The following GALNT14 variants were observed in gnomAD, a reference collection of about 807,000 sequenced individuals.
GALNT14 encodes UDP-GalNAc:polypeptide N-acetylgalactosaminyltransferase 14.
Under a neutral mutation model 77.5 loss-of-function variants are expected in GALNT14, and 60 were observed. The observed-to-expected ratio is 0.77, with a 90% confidence interval of 0.63 to 0.96. The LOEUF (loss-of-function observed/expected upper bound fraction) is 0.96. Among genes scored for constraint, GALNT14 ranks in the 40% least tolerant of loss-of-function variants. The probability of loss-of-function intolerance (pLI) is 0.00; values close to 1 mark genes in which losing one functional copy is unlikely to be tolerated. For synonymous variants in GALNT14, 280 were observed against 281.7 expected (o/e 0.99, Z 0.06); for missense variants, 710 against 731.0 (o/e 0.97, Z 0.33).
chr2:31,012,815 C>G (rs1010314965), intron 1 of GALNT14, among the ~76,000 whole-genome samples: 1 of 152,000 alleles, frequency 6.6e-6, no homozygotes, highest in Non-Finnish European at 1.5e-5. Flanking sequence ...AACAAAAACC[C>G]CAGTCTAAAT....
chr2:31,021,196 G>A (rs924054962), intron 1 of GALNT14, among the ~76,000 whole-genome samples: 4 of 152,158 alleles, frequency 2.6e-5, no homozygotes, highest in Non-Finnish European at 4.4e-5. Flanking sequence ...TGGAGCTGTG[G>A]TCACCAAAGG....
At chr2:30,988,380 G>A (rs755225710) in intron 2 of GALNT14, among the ~76,000 whole-genome samples, 22 of 152,296 alleles carry the variant, frequency 1.4e-4, no homozygotes, top group Admixed American at 8.5e-4. Flanking sequence ...AATGGCGATG[G>A]GGCCAGGAGT....
chr2:31,057,283 A>T (rs955980846), intron 1 of GALNT14, among the ~76,000 whole-genome samples: 1 of 137,882 alleles, frequency 7.3e-6, no homozygotes, highest in Non-Finnish European at 1.6e-5. Flanking sequence ...ATGAATCTAA[A>T]AAGTTGAAAT....
intron 2 of GALNT14, among the ~76,000 whole-genome samples, chr2:30,988,428 A>T (rs931337651): frequency 6.6e-6 from 1 of 152,186 alleles, no homozygotes; most frequent in African/African-American, 2.4e-5. Context: ...AGGTGATGCC[A>T]ATTGCTAGGA....
At chr2:30,964,617 C>T (rs1310776295) in intron 3 of GALNT14, among the ~76,000 whole-genome samples, 1 of 152,166 alleles carries the variant, frequency 6.6e-6, no homozygotes, top group African/African-American at 2.4e-5. Context: ...AGGATGGGCA[C>T]GTGGCTGGAG....
chr2:30,975,394 C>T (rs954696091), intron 2 of GALNT14, among the ~76,000 whole-genome samples: 1 of 152,232 alleles, frequency 6.6e-6, no homozygotes, highest in Non-Finnish European at 1.5e-5. Flanking sequence ...CATGCAGTTA[C>T]TGAGCACTGT....
intron 11 of GALNT14, among the ~76,000 whole-genome samples, chr2:30,926,299 A>G (rs572828561): frequency 2.0e-5 from 3 of 152,154 alleles, no homozygotes; most frequent in South Asian, 2.1e-4. Flanking sequence ...AAAGAGAAGG[A>G]GAGGGATTCA....
chr2:30,924,923 C>T, intron 11 of GALNT14, 100 bp from the exon 12 acceptor site: 1 of 835,994 alleles, frequency 1.2e-6, no homozygotes, highest in Non-Finnish European at 2.0e-6. Flanking sequence ...AAAGCGCGAC[C>T]CATGCCCATG....
intron 3 of GALNT14, 137 bp downstream of exon 3, chr2:30,966,067 T>G: frequency 1.6e-6 from 1 of 638,812 alleles, no homozygotes; most frequent in Non-Finnish European, 2.9e-6. Context: ...TGGACACATG[T>G]GACATATAGA....
chr2:31,125,014 C>A (rs949706658), intron 1 of GALNT14: 1 of 629,532 alleles, frequency 1.6e-6, no homozygotes, highest in Non-Finnish European at 2.8e-6. Flanking sequence ...GAGCCTCCTG[C>A]TGGATGCAAC....
chr2:30,918,951 T>G (rs1240653140), intron 13 of GALNT14, among the ~76,000 whole-genome samples: 1 of 152,100 alleles, frequency 6.6e-6, no homozygotes, highest in Non-Finnish European at 1.5e-5. Context: ...CTCACACACC[T>G]CGAGGCACCA....
At position 30,910,978 on chromosome 2, in the gene GALNT14, C is replaced by T. The variant is rs753387439; in HGVS notation, c.1582G>A (p.Glu528Lys). Reference sequence around the variant, plus strand: ...TTGACGACGATTTCCTTGCCGTTCTCGGTGCCATCACCGAACATATCTGTA... The same window carrying T: ...TTGACGACGATTTCCTTGCCGTTCTTGGTGCCATCACCGAACATATCTGTA... ...LDTDMFGDGT[E>K]NGKEIVVNPC... The change falls in exon 15 of 15, where the codon GAG becomes AAG. Residue 528 changes from glutamate (E) to lysine (K), a missense_variant. Physicochemically the swap from Glu to Lys is moderately conservative, Grantham distance 56. Transcript: ENST00000349752. 31 of 1,613,880 alleles carry T rather than the reference C, an allele frequency of 1.9e-5. No homozygotes were observed. The highest frequency in any genetic ancestry group is 3.3e-5 in the South Asian group (3 of 91,038).
intron 1 of GALNT14, among the ~76,000 whole-genome samples, chr2:31,127,095 C>T (rs1227188761): frequency 6.6e-6 from 1 of 152,170 alleles, no homozygotes; most frequent in African/African-American, 2.4e-5. Context: ...AACATGTACT[C>T]AAGGAATTTC....
chr2:30,924,106 C>A lies in GALNT14; in HGVS notation c.1380+13G>T, dbSNP rs371816274. 1.7e-5 allele frequency: 27 copies of A among 1,614,056 alleles called. No homozygotes were observed. The African/African-American group carries it at 3.6e-4, about 22-fold the overall frequency. ...GTGACACATGGTCCTGTATGCCCAG[C>A]CAGTTACTTTACCTGGGACTTTGCA... On this transcript the variant is annotated intron_variant, in intron 13 of 14. Coordinates refer to ENST00000349752, the MANE Select transcript of GALNT14 (RefSeq NM_024572.4).
chr2:30,992,102 G>C (rs1191148574), intron 2 of GALNT14, among the ~76,000 whole-genome samples: 2 of 152,200 alleles, frequency 1.3e-5, no homozygotes, highest in Non-Finnish European at 2.9e-5. Context: ...GGGAGTGGAG[G>C]AGCTGAGATT....
chr2:31,023,012 T>C (rs1671817297), intron 1 of GALNT14, among the ~76,000 whole-genome samples: 1 of 152,158 alleles, frequency 6.6e-6, no homozygotes, highest in Non-Finnish European at 1.5e-5. Context: ...AGCAGGACTA[T>C]TGTGGGAATG....
chr2:31,045,710 G>A (rs1339542483), intron 1 of GALNT14, among the ~76,000 whole-genome samples: 6 of 152,024 alleles, frequency 3.9e-5, no homozygotes, highest in Admixed American at 6.6e-5. Context: ...TGATCTGCCC[G>A]CCTCAGCCTC....
chr2:30,956,125 G>T, intron 4 of GALNT14, 148 bp from the exon 5 acceptor site: 1 of 748,514 alleles, frequency 1.3e-6, no homozygotes, highest in Non-Finnish European at 2.3e-6. Flanking sequence ...ACTCCAGGGT[G>T]TTTCCAGGCT....
intron 1 of GALNT14, among the ~76,000 whole-genome samples, chr2:31,054,012 T>C (rs1674060717): frequency 6.6e-6 from 1 of 152,192 alleles, no homozygotes; most frequent in Admixed American, 6.5e-5. Flanking sequence ...AGTTCATTCA[T>C]TCAGTCATTC....
Sources: allele counts gnomAD v4.1 joint callset (sites outside exome capture counted in the v4.1 genomes callset), GRCh38; gene constraint gnomAD v4.1.1; transcripts MANE v1.5; gene names NCBI Gene and HGNC (gene_info 2026-07-23, HGNC 2026-07-21).